Variants in PIP5K1C observed in about 807,000 individuals in gnomAD.
PIP5K1C encodes phosphatidylinositol 4-phosphate 5-kinase type-1 gamma.
A neutral mutation model predicts 80.1 loss-of-function variants in PIP5K1C; 45 were observed. That is an observed-to-expected ratio of 0.56 (90% CI 0.44 to 0.72). The LOEUF is 0.72. Ranked by LOEUF, PIP5K1C falls within the 30% of genes least tolerant of loss-of-function variation. The pLI, the probability that PIP5K1C is intolerant of heterozygous loss-of-function variation, is 0.00. For missense variants in PIP5K1C, 753 were observed against 954.6 expected (o/e 0.79, Z 2.78); for synonymous variants, 498 against 420.1 (o/e 1.19, Z -2.27).
chr19:3,694,174 T>C (rs1480317765), intron 1 of PIP5K1C, among the ~76,000 whole-genome samples: 1 of 142,336 alleles, frequency 7.0e-6, no homozygotes, highest in African/African-American at 2.7e-5. Context: ...AACGCGCCAC[T>C]GCACTCCAGC....
At chr19:3,643,970 G>T in intron 12 of PIP5K1C, 117 bp downstream of exon 12, 1 of 1,261,850 alleles carries the variant, frequency 7.9e-7, no homozygotes, top group Non-Finnish European at 1.1e-6. Flanking sequence ...CGGCCCTGCA[G>T]ATCCGGAGGG....
At chr19:3,650,079 C>T in intron 8 of PIP5K1C, 1 of 158,882 alleles carries the variant, frequency 6.3e-6, no homozygotes. Context: ...GCTCCCGCAC[C>T]CCCCCGCAGC....
rs774950977 is a variant in PIP5K1C, at chr19:3,657,651, C to T, written c.469-1094G>A. On this transcript the variant is annotated intron_variant, in intron 5 of 17. Coordinates refer to ENST00000335312, the MANE Select transcript of PIP5K1C (RefSeq NM_012398.3). ...AGCAGAAGCGAGGGGAGGCCAGGCA[C>T]GGCGGCTCACCCAGCACTCTGTAAT... Among the ~76,000 whole-genome samples, 10 of 151,974 alleles carry T rather than the reference C, an allele frequency of 6.6e-5. No individual in the cohort carries two copies. The East Asian group carries it at 9.7e-4, about 15-fold the overall frequency.
Position 3,637,962 on chromosome 19 carries a change from C to A in PIP5K1C, c.1920+922G>T. 6.5e-7 allele frequency: 1 copy of A among 1,533,514 alleles called. No homozygotes were observed. The highest frequency in any genetic ancestry group is 2.4e-5 in the East Asian group (1 of 40,894). The allele number at this position is 1,533,514 out of a possible 1,614,324, so 95.0% of individuals were successfully genotyped here. On this transcript the variant is annotated intron_variant, in intron 16 of 17. Coordinates refer to ENST00000335312, the MANE Select transcript of PIP5K1C (RefSeq NM_012398.3). This position sits in a 1 kb window ranked among gnomAD's most constrained non-coding sequence, Gnocchi z 7.0. ...GGCACAGGCACGCGGCCCGTCCCTC[C>A]CTTCTCCAGGGCCAGGTGGGTGCAT...
chr19:3,642,671 T>C (rs1436302277), intron 14 of PIP5K1C, among the ~76,000 whole-genome samples: 1 of 151,878 alleles, frequency 6.6e-6, no homozygotes, highest in African/African-American at 2.4e-5. Flanking sequence ...AAAAAAAACT[T>C]AATAGAAGAA....
chr19:3,676,167 A>G (rs2035351207), intron 1 of PIP5K1C, among the ~76,000 whole-genome samples: 1 of 152,090 alleles, frequency 6.6e-6, no homozygotes, highest in African/African-American at 2.4e-5. Context: ...ACCGTCTCTA[A>G]CCCATACAGG....
chr19:3,695,014 G>A (rs1457811891), intron 1 of PIP5K1C, among the ~76,000 whole-genome samples: 3 of 152,256 alleles, frequency 2.0e-5, no homozygotes, highest in African/African-American at 7.2e-5. Context: ...GGCCGGCAAC[G>A]GAACAAATGG....
chr19:3,633,017 C>T lies in PIP5K1C; in HGVS notation c.*150G>A, dbSNP rs1000879239. 28 of 551,182 alleles carry T rather than the reference C, an allele frequency of 5.1e-5. No individual in the cohort carries two copies. The highest frequency in any genetic ancestry group is 9.3e-4 in the Middle Eastern group (2 of 2,148). The allele number at this position is 551,182 out of a possible 1,614,324, so 34.1% of individuals were successfully genotyped here. Reference sequence around the variant, plus strand: ...GAGGCTTGTCGGGGAGGGGCCCGGCCGTCGGCATCCGTGCAGGGGGAGGAC... The same window carrying T: ...GAGGCTTGTCGGGGAGGGGCCCGGCTGTCGGCATCCGTGCAGGGGGAGGAC... On this transcript the variant is annotated 3_prime_UTR_variant, in exon 18 of 18. Coordinates refer to ENST00000335312, the MANE Select transcript of PIP5K1C (RefSeq NM_012398.3).
intron 9 of PIP5K1C, 116 bp from the exon 10 acceptor site, chr19:3,647,502 T>C (rs2034281814): frequency 6.6e-6 from 6 of 906,578 alleles, no homozygotes; most frequent in Non-Finnish European, 1.1e-5. Context: ...CAAGCAGTCG[T>C]GGCTGTCAAA....
At chr19:3,644,279 TG>T in intron 11 of PIP5K1C, 28 bp from the exon 12 acceptor site, 1 of 1,603,780 alleles carries the variant, frequency 6.2e-7, no homozygotes, top group Non-Finnish European at 8.5e-7. Context: ...GGTTGGTGCT[TG>T]GGGTTGCTGG....
At chr19:3,665,929 C>A (rs544394390) in intron 2 of PIP5K1C, among the ~76,000 whole-genome samples, 37 of 152,302 alleles carry the variant, frequency 2.4e-4, no homozygotes, top group Admixed American at 2.4e-3. Context: ...CCGCTATCAG[C>A]CCCAGGGACA....
At chr19:3,685,487 T>C (rs1243908734) in intron 1 of PIP5K1C, among the ~76,000 whole-genome samples, 2 of 152,024 alleles carry the variant, frequency 1.3e-5, no homozygotes, top group South Asian at 2.1e-4. Flanking sequence ...TCCCAGCACT[T>C]TGGGAGGCCG....
chr19:3,633,034 G>C lies in PIP5K1C; in HGVS notation c.*133C>G. On this transcript the variant is annotated 3_prime_UTR_variant, in exon 18 of 18. Coordinates refer to ENST00000335312, the MANE Select transcript of PIP5K1C (RefSeq NM_012398.3). ...GGCCCGGCCGTCGGCATCCGTGCAGGGGGAGGACGAGGTCCGGTGGGGCGG... is the reference window on the plus strand; with the variant it reads ...GGCCCGGCCGTCGGCATCCGTGCAGCGGGAGGACGAGGTCCGGTGGGGCGG... 1.5e-6 allele frequency: 1 copy of C among 646,612 alleles called. No individual in the cohort carries two copies. 40.1% of individuals were successfully genotyped at this position (646,612 alleles called of 1,614,324 possible). A position where few individuals can be genotyped will look rare whatever the true frequency, so the allele number is the denominator to read the frequency against.
At position 3,652,731 on chromosome 19, in the gene PIP5K1C, GGCC is replaced by G. The variant is rs201828256; in HGVS notation, c.921+556_921+558del. On this transcript the variant is annotated intron_variant, in intron 7 of 17. Transcript: ENST00000335312. ...GCCAGACCCTCACTGGACGCACATGGGCCCTCACTGTGGCCTGCAGAGCAAGCA... is the reference window on the plus strand; with the variant it reads ...GCCAGACCCTCACTGGACGCACATGGCTCACTGTGGCCTGCAGAGCAAGCA... 2.0e-4 allele frequency among the ~76,000 whole-genome samples: 31 copies of G among 152,324 alleles called. 1 individual carries two copies. In the East Asian group the frequency reaches 4.6e-3, roughly 23 times the overall value.
chr19:3,700,452 GAAC>G lies in PIP5K1C; in HGVS notation c.-65_-63del, dbSNP rs1295274468. ...GACCCGAGCTGCGACCGCCGCCGCC[GAAC>G]AACAAGCGCCGCCGGCCAAGGGAGG... On this transcript the variant is annotated 5_prime_UTR_variant, in exon 1 of 18. Coordinates refer to ENST00000335312, the MANE Select transcript of PIP5K1C (RefSeq NM_012398.3). The G allele has an allele frequency of 9.7e-6, 9 of 924,904 alleles. No individual in the cohort carries two copies. The highest frequency in any genetic ancestry group is 5.9e-5 in the Admixed American group (1 of 16,984). 57.3% of individuals were successfully genotyped at this position (924,904 alleles called of 1,614,324 possible). A position where few individuals can be genotyped will look rare whatever the true frequency, so the allele number is the denominator to read the frequency against.
chr19:3,694,468 G>A (rs1008643138), intron 1 of PIP5K1C, among the ~76,000 whole-genome samples: 1 of 152,162 alleles, frequency 6.6e-6, no homozygotes, highest in African/African-American at 2.4e-5. Flanking sequence ...CCAGGGCCCA[G>A]GCCAAAATCC....
At chr19:3,667,150 T>C (rs1489246763) in intron 2 of PIP5K1C, among the ~76,000 whole-genome samples, 172 bp downstream of exon 2, 1 of 152,140 alleles carries the variant, frequency 6.6e-6, no homozygotes, top group Non-Finnish European at 1.5e-5. Context: ...CCCCGACCTC[T>C]CAAGACGCAG....
At chr19:3,680,240 G>C (rs1362863938) in intron 1 of PIP5K1C, among the ~76,000 whole-genome samples, 1 of 152,184 alleles carries the variant, frequency 6.6e-6, no homozygotes, top group Non-Finnish European at 1.5e-5. Flanking sequence ...AAATCAGCAA[G>C]CATCTCTTGG....
chr19:3,633,372 G>T, intron 17 of PIP5K1C, 65 bp downstream of exon 17: 1 of 1,280,372 alleles, frequency 7.8e-7, no homozygotes, highest in Non-Finnish European at 1.1e-6. Flanking sequence ...CCCAGTAGCT[G>T]GGGACCACGC....
Sources: gnomAD v4.1 joint callset for allele counts (sites outside exome capture counted in the v4.1 genomes callset) on GRCh38, gnomAD v4.1.1 for gene constraint, Gnocchi (gnomAD v3.1) non-coding constraint, MANE v1.5 for transcripts, NCBI Gene and HGNC (gene_info 2026-07-23, HGNC 2026-07-21) for gene names.